ARHGEF28: variants seen among roughly 807,000 people sequenced by gnomAD.
ARHGEF28 encodes the protein Rho guanine nucleotide exchange factor 28.
In ARHGEF28, 152 loss-of-function variants were observed where a neutral mutation model predicts 206.6. The observed-to-expected ratio is 0.74, with a 90% CI of 0.64 to 0.84. The LOEUF is 0.84. ARHGEF28 is among the 40% of genes least tolerant of loss of function. The pLI is 0.00. For synonymous variants in ARHGEF28, 763 were observed against 776.4 expected (o/e 0.98, Z 0.29); for missense variants, 2,028 against 2,073.2 (o/e 0.98, Z 0.42).
intron 35 of ARHGEF28, among the ~76,000 whole-genome samples, chr5:73,927,195 T>TA (rs564872560): frequency 8.3e-4 from 120 of 143,760 alleles, no homozygotes; most frequent in African/African-American, 1.7e-3. Context: ...AGCCCATCAC[T>TA]AAAAAAAAAA....
chr5:73,741,375 GTGTGTGTGTGTATATATA>G (rs1751386676), intron 2 of ARHGEF28, among the ~76,000 whole-genome samples: 1 of 63,824 alleles, frequency 1.6e-5, no homozygotes, highest in African/African-American at 5.2e-5. Flanking sequence ...GTGTGTGTGT[GTGTGTGTGTGTATATATA>G]TATATATATA....
rs554344246 is a variant in ARHGEF28, at chr5:73,875,613, A to G, written c.2814+2367A>G. On this transcript the variant is annotated intron_variant, in intron 22 of 35. Coordinates refer to ENST00000513042, the MANE Select transcript of ARHGEF28 (RefSeq NM_001177693.2). ...ATTTTTGTATAAGGTGTAAGGAAGG[A>G]ATCCAGTTTCAGCTTTCTACATATG... Among the ~76,000 whole-genome samples the G allele has an allele frequency of 4.8e-3, 723 of 151,392 alleles. 1 individual carries two copies. The highest frequency in any genetic ancestry group is 0.017 in the African/African-American group (688 of 40,886).
intron 2 of ARHGEF28, among the ~76,000 whole-genome samples, chr5:73,689,070 A>G (rs1284218772): frequency 6.6e-6 from 1 of 152,250 alleles, no homozygotes; most frequent in Non-Finnish European, 1.5e-5. Flanking sequence ...AGCTTTGTCA[A>G]ATCTTGGCCT....
At chr5:73,780,061 T>G (rs1030542105) in intron 6 of ARHGEF28, among the ~76,000 whole-genome samples, 4 of 152,186 alleles carry the variant, frequency 2.6e-5, no homozygotes, top group African/African-American at 7.2e-5. Flanking sequence ...CATCAATGCA[T>G]AATTCTGTGT....
chr5:73,900,712 C>G (rs1438608438), intron 30 of ARHGEF28: 1 of 153,318 alleles, frequency 6.5e-6, no homozygotes, highest in Non-Finnish European at 1.5e-5. Flanking sequence ...CTTCGGACTC[C>G]TCCTTCCTCC....
chr5:73,826,522 T>C (rs989353334), intron 9 of ARHGEF28, among the ~76,000 whole-genome samples: 19 of 152,194 alleles, frequency 1.2e-4, no homozygotes, highest in African/African-American at 4.6e-4. Flanking sequence ...GGTTTGTTTA[T>C]GTCTGGGCGT....
In ARHGEF28 at chr5:73,749,882, C is replaced by A. The variant is rs1423303701; in HGVS notation, c.79C>A (p.Pro27Thr). 1 of 1,614,010 alleles carries A rather than the reference C, an allele frequency of 6.2e-7. No individual in the cohort carries two copies. The highest frequency in any genetic ancestry group is 1.7e-5 in the Admixed American group (1 of 60,018). ...GAAGTTTGACAAAAATGTGTATCTT[C>A]CTGAAGATGCTGAGTTTTACTTTAC... ...YAKFDKNVYL[P>T]EDAEFYFTYD... is the part of the protein sequence containing the mutation. The change falls in exon 3 of 36, where the codon CCT becomes ACT. Residue 27 changes from proline to threonine, a missense_variant. Pro to Thr is a conservative substitution (Grantham distance 38). This residue lies in a region of ARHGEF28 where 1,002 missense variants were observed against 1,015.3 expected (regional missense o/e 0.99). Transcript: ENST00000513042.
At chr5:73,749,759 A>AC (rs1751927791) in intron 2 of ARHGEF28, 78 bp from the exon 3 acceptor site, 1 of 1,525,582 alleles carries the variant, frequency 6.6e-7, no homozygotes, top group Non-Finnish European at 9.0e-7. Flanking sequence ...ACTGTTATGG[A>AC]CCCAGGTCCT....
intron 20 of ARHGEF28, 125 bp from the exon 21 acceptor site, chr5:73,869,944 T>A (rs1759987817): frequency 8.9e-7 from 1 of 1,119,006 alleles, no homozygotes. Flanking sequence ...TAATATGTTT[T>A]GGTTTAGTAG....
intron 22 of ARHGEF28, among the ~76,000 whole-genome samples, chr5:73,875,633 C>T (rs1458597702): frequency 5.3e-5 from 8 of 152,054 alleles, no homozygotes; most frequent in Non-Finnish European, 1.0e-4. Context: ...CAGCTTTCTA[C>T]ATATGGCTAG....
chr5:73,837,065 C>T (rs150192478), intron 10 of ARHGEF28, among the ~76,000 whole-genome samples: 94 of 152,192 alleles, frequency 6.2e-4, no homozygotes, highest in African/African-American at 2.1e-3. Context: ...ATTACCATAT[C>T]TTTGTAATAT....
chr5:73,770,270 A>G (rs1273110490), intron 4 of ARHGEF28, among the ~76,000 whole-genome samples: 1 of 152,194 alleles, frequency 6.6e-6, no homozygotes, highest in Non-Finnish European at 1.5e-5. Flanking sequence ...TGGGCAAAGA[A>G]ACTGATGCCC....
chr5:73,730,671 A>G lies in ARHGEF28; in HGVS notation c.34-19166A>G, dbSNP rs567780566. ...TACCTCAGGCCCCCGAGTAGTTGGG[A>G]CTACAGGTGTGTGCCACCATGCCTG... On this transcript the variant is annotated intron_variant, in intron 2 of 35. Coordinates refer to ENST00000513042, the MANE Select transcript of ARHGEF28 (RefSeq NM_001177693.2). 1.5e-4 allele frequency among the ~76,000 whole-genome samples: 23 copies of G among 151,368 alleles called. No homozygotes were observed. The East Asian group carries it at 2.7e-3, about 18-fold the overall frequency.
chr5:73,891,194 A>G (rs1580056510), intron 26 of ARHGEF28, among the ~76,000 whole-genome samples: 1 of 152,244 alleles, frequency 6.6e-6, no homozygotes, highest in Middle Eastern at 3.4e-3. Flanking sequence ...GAACTTGTAG[A>G]CCATTTTGTT....
intron 9 of ARHGEF28, among the ~76,000 whole-genome samples, chr5:73,811,682 T>G (rs1357377298): frequency 2.0e-5 from 3 of 152,184 alleles, no homozygotes; most frequent in African/African-American, 7.2e-5. Flanking sequence ...TACGTACTTA[T>G]TCACCTAATT....
intron 35 of ARHGEF28, among the ~76,000 whole-genome samples, chr5:73,925,653 G>A (rs1258789535): frequency 1.3e-5 from 2 of 152,122 alleles, no homozygotes; most frequent in East Asian, 1.9e-4. Context: ...CGACTCCTCT[G>A]CAATCCATCA....
intron 2 of ARHGEF28, among the ~76,000 whole-genome samples, chr5:73,730,979 C>T (rs1458715054): frequency 6.9e-6 from 1 of 144,604 alleles, no homozygotes; most frequent in Non-Finnish European, 1.5e-5. Context: ...AGATGAAATT[C>T]TTTAATTTTT....
Position 73,921,893 on chromosome 5 carries a change from G to A in ARHGEF28, c.4948+10318G>A, listed in dbSNP as rs147425979. ...TGACCTGCTTCCTACCAGTGATCTC[G>A]GCACCCTGTGCAATGATTTGCAATC... On this transcript the variant is annotated intron_variant, in intron 35 of 35. Coordinates refer to ENST00000513042, the MANE Select transcript of ARHGEF28 (RefSeq NM_001177693.2). Among the ~76,000 whole-genome samples, 533 of 152,166 alleles carry A rather than the reference G, an allele frequency of 3.5e-3. 3 individuals carry two copies. Among genetic ancestry groups the A allele is most frequent in the Non-Finnish European group, 4.5e-3 (304 of 68,008 alleles).
intron 33 of ARHGEF28, among the ~76,000 whole-genome samples, chr5:73,907,288 A>G (rs1169792251): frequency 2.6e-5 from 4 of 152,234 alleles, no homozygotes; most frequent in African/African-American, 7.2e-5. Flanking sequence ...TCACAAGGTC[A>G]TGTGTCTTCT....
Sources: allele counts gnomAD v4.1 joint callset (sites outside exome capture counted in the v4.1 genomes callset), GRCh38; gene constraint gnomAD v4.1.1; regional missense constraint gnomAD v4.1.1; transcripts MANE v1.5; gene names NCBI Gene and HGNC (gene_info 2026-07-23, HGNC 2026-07-21).